Variants in VPS37A observed in about 807,000 individuals in gnomAD.
VPS37A encodes VPS37A subunit of ESCRT-I, also known as vacuolar protein sorting-associated protein 37A.
In VPS37A, 30 loss-of-function variants were observed where a neutral mutation model predicts 49.8. The ratio of observed to expected loss-of-function variants is 0.60; its 90% CI spans 0.45 to 0.82. The LOEUF (loss-of-function observed/expected upper bound fraction) is 0.82. Among genes scored for constraint, VPS37A ranks in the 40% least tolerant of loss-of-function variants. VPS37A has a pLI of 0.00. For synonymous variants in VPS37A, 195 were observed against 160.6 expected, an observed-to-expected ratio of 1.21 and a Z score of -1.62; for missense variants, 593 against 464.4, an observed-to-expected ratio of 1.28 and a Z score of -2.55.
chr8:17,268,977 TAAAA>T (rs1317429614), intron 4 of VPS37A, 21 bp downstream of exon 4: 1 of 1,503,766 alleles, frequency 6.6e-7, no homozygotes, highest in East Asian at 2.3e-5. Flanking sequence ...TTCTAGTAAA[TAAAA>T]AAGTCTGCCT....
downstream of VPS37A, chr8:17,304,350 G>C (rs1420899579): frequency 6.2e-7 from 1 of 1,602,292 alleles, no homozygotes; most frequent in Admixed American, 1.7e-5. Flanking sequence ...TTCATACCAT[G>C]GCTACAAAGT....
At chr8:17,319,673 C>G in the VPS37A span, among the ~76,000 whole-genome samples, 1 of 152,154 alleles carries the variant, frequency 6.6e-6, no homozygotes, top group Non-Finnish European at 1.5e-5. Flanking sequence ...ACTTATTATT[C>G]TCATTCTTGA....
the VPS37A span, among the ~76,000 whole-genome samples, chr8:17,308,502 T>C: frequency 6.6e-6 from 1 of 152,216 alleles, no homozygotes; most frequent in African/African-American, 2.4e-5. Flanking sequence ...ACTTGAGCAG[T>C]TGCATGCATT....
chr8:17,262,811 C>G (rs551905075), intron 1 of VPS37A, among the ~76,000 whole-genome samples: 7 of 152,012 alleles, frequency 4.6e-5, no homozygotes, highest in Non-Finnish European at 1.0e-4. Flanking sequence ...GCCTGTAATC[C>G]TAGCACTTTG....
At chr8:17,256,841 A>C (rs1225144050) in intron 1 of VPS37A, among the ~76,000 whole-genome samples, 1 of 152,010 alleles carries the variant, frequency 6.6e-6, no homozygotes, top group African/African-American at 2.4e-5. Flanking sequence ...TAGTAGAGAC[A>C]GGGTTTCTCC....
chr8:17,284,601 C>A lies in VPS37A; in HGVS notation c.1098C>A (p.Phe366Leu). 6.3e-7 allele frequency: 1 copy of A among 1,599,500 alleles called. No homozygotes were observed. Among genetic ancestry groups the A allele is most frequent in the Non-Finnish European group, 8.5e-7 (1 of 1,175,294 alleles). The change falls in exon 10 of 12, where the codon TTC becomes TTA. Residue 366 changes from phenylalanine to leucine, a missense_variant. By Grantham distance (22) the Phe-to-Leu change is conservative. Coordinates refer to ENST00000324849, the MANE Select transcript of VPS37A (RefSeq NM_152415.3). ...KMEIDDFLSS[F>L]MEKRTICHCR... ...AAATAGATGATTTTCTCAGTAGCTT[C>A]ATGGAAAAGAGAACAGTATGTAATA...
rs1344953405 is a variant in VPS37A at position 17,247,373 on chromosome 8, A to ACT, written c.125+5_125+6dup. On this transcript the variant is annotated splice_donor_region_variant and intron_variant, in intron 1 of 11. Transcript: ENST00000324849. ...CCCTCCGGAACTCACACTCCAGGTG[A>ACT]CTGGTCGCTGCCTCTCCACCGGAGG... 2 of 1,269,384 alleles carry ACT rather than the reference A, an allele frequency of 1.6e-6. No individual in the cohort carries two copies. The highest frequency in any genetic ancestry group is 3.4e-5 in the African/African-American group (2 of 58,602). 78.6% of individuals were successfully genotyped at this position (1,269,384 alleles called of 1,614,324 possible).
At chr8:17,294,869 C>CT (rs564485593) in intron 11 of VPS37A, 118 bp from the exon 12 acceptor site, 137 of 152,370 alleles carry the variant, frequency 9.0e-4, no homozygotes, top group African/African-American at 3.2e-3. Context: ...GGAGCTGTTC[C>CT]TATTCAGCCA....
downstream of VPS37A, among the ~76,000 whole-genome samples, chr8:17,303,258 T>C (rs1817243951): frequency 6.6e-6 from 1 of 152,168 alleles, no homozygotes; most frequent in Non-Finnish European, 1.5e-5. Flanking sequence ...TCTCAACAGC[T>C]CTTAAAACTT....
the VPS37A span, among the ~76,000 whole-genome samples, chr8:17,333,035 G>GA: frequency 6.6e-6 from 1 of 151,924 alleles, no homozygotes; most frequent in Non-Finnish European, 1.5e-5. Flanking sequence ...TATTAGAAGT[G>GA]AAAAAAACAG....
chr8:17,266,078 T>C (rs1468319638), intron 2 of VPS37A, 97 bp downstream of exon 2: 3 of 1,044,266 alleles, frequency 2.9e-6, no homozygotes, highest in Non-Finnish European at 4.2e-6. Context: ...GGTGAACTTA[T>C]TTCAAGTAAC....
downstream of VPS37A, chr8:17,304,339 G>T: frequency 6.3e-7 from 1 of 1,596,072 alleles, no homozygotes; most frequent in Non-Finnish European, 8.6e-7. Flanking sequence ...CAGAATCCAA[G>T]TTCATACCAT....
At chr8:17,327,977 T>C in the VPS37A span, among the ~76,000 whole-genome samples, 3 of 152,336 alleles carry the variant, frequency 2.0e-5, no homozygotes, top group Middle Eastern at 3.4e-3. Context: ...AAAATACTTA[T>C]GAAGTGTGGC....
intron 9 of VPS37A, 68 bp from the exon 10 acceptor site, chr8:17,284,405 C>A: frequency 6.7e-7 from 1 of 1,499,096 alleles, no homozygotes; most frequent in East Asian, 2.5e-5. Flanking sequence ...CACTACCTTA[C>A]TTCCTTTCCC....
At chr8:17,311,522 T>C in the VPS37A span, 2 of 1,613,970 alleles carry the variant, frequency 1.2e-6, no homozygotes, top group Non-Finnish European at 1.7e-6. Flanking sequence ...ATGAAGCCCT[T>C]CAGAGTCCGG....
At chr8:17,285,948 A>T (rs1347607568) in intron 10 of VPS37A, among the ~76,000 whole-genome samples, 2 of 152,178 alleles carry the variant, frequency 1.3e-5, no homozygotes, top group Non-Finnish European at 2.9e-5. Flanking sequence ...AGCTGTCGTC[A>T]ACATTAGCTA....
chr8:17,319,113 A>T, the VPS37A span, among the ~76,000 whole-genome samples: 170 of 152,342 alleles, frequency 1.1e-3, no homozygotes, highest in African/African-American at 3.9e-3. Flanking sequence ...AATAATCATG[A>T]TATACGCATG....
At chr8:17,299,865 G>C, downstream of VPS37A, 1 of 1,613,864 alleles carries the variant, frequency 6.2e-7, no homozygotes, top group South Asian at 1.1e-5. Flanking sequence ...GGAAACTTCA[G>C]GCAGTGAGAA....
In VPS37A at chr8:17,285,965, A is replaced by G. The variant is rs111343482; in HGVS notation, c.1114-382A>G. On this transcript the variant is annotated intron_variant, in intron 10 of 11. Coordinates refer to ENST00000324849, the MANE Select transcript of VPS37A (RefSeq NM_152415.3). ...CTGTCGTCAACATTAGCTATCTTCAACATTCAATTATTAGATTACTACCTA... is the reference window on the plus strand; with the variant it reads ...CTGTCGTCAACATTAGCTATCTTCAGCATTCAATTATTAGATTACTACCTA... Among the ~76,000 whole-genome samples the G allele has an allele frequency of 4.6e-3, 706 of 152,270 alleles. 5 individuals carry two copies. The highest frequency in any genetic ancestry group is 0.016 in the African/African-American group (673 of 41,544).
Sources: allele counts gnomAD v4.1 joint callset (sites outside exome capture counted in the v4.1 genomes callset), GRCh38; gene constraint gnomAD v4.1.1; transcripts MANE v1.5; gene names NCBI Gene and HGNC (gene_info 2026-07-23, HGNC 2026-07-21).